SEMA6D: variants seen among roughly 807,000 people sequenced by gnomAD.
SEMA6D encodes semaphorin 6D.
SEMA6D carries 35 observed loss-of-function variants against 106.6 expected under a neutral mutation model. The ratio of observed to expected loss-of-function variants is 0.33; its 90% CI spans 0.25 to 0.44. SEMA6D has a LOEUF of 0.44. Among genes scored for constraint, SEMA6D ranks in the 20% least tolerant of loss-of-function variants. The pLI is 1.00. For missense variants in SEMA6D, 1,185 were observed against 1,345.9 expected (o/e 0.88, Z 1.87); for synonymous variants, 499 against 487.7 (o/e 1.02, Z -0.31).
chr15:47,289,257 G>A (rs2035497878), intron 1 of SEMA6D, among the ~76,000 whole-genome samples: 1 of 151,850 alleles, frequency 6.6e-6, no homozygotes, highest in African/African-American at 2.4e-5. Context: ...AGCCGGGTGT[G>A]GTGGCCTGCA....
At chr15:47,391,925 T>G (rs1658807313) in intron 1 of SEMA6D, among the ~76,000 whole-genome samples, 1 of 152,116 alleles carries the variant, frequency 6.6e-6, no homozygotes, top group Non-Finnish European at 1.5e-5. Context: ...ATAGATATAT[T>G]TACTCCCTAA....
chr15:47,274,159 G>A (rs1159692547), intron 1 of SEMA6D: 3 of 152,018 alleles, frequency 2.0e-5, no homozygotes, highest in Non-Finnish European at 4.4e-5. Flanking sequence ...AAATAAAAGA[G>A]GAAAAACATC....
intron 2 of SEMA6D, among the ~76,000 whole-genome samples, chr15:47,420,490 C>G (rs1234894282): frequency 6.6e-6 from 1 of 152,030 alleles, no homozygotes; most frequent in African/African-American, 2.4e-5. Flanking sequence ...TTCTCCCCCT[C>G]TGTGCATGCT....
chr15:47,684,261 G>A (rs769482278), intron 4 of SEMA6D, among the ~76,000 whole-genome samples: 1 of 151,730 alleles, frequency 6.6e-6, no homozygotes, highest in African/African-American at 2.4e-5. Flanking sequence ...AAAAATTAAC[G>A]ACAATTATAA....
rs2082217882 is a variant in SEMA6D, at chr15:47,764,292, G to A, written c.1084G>A (p.Val362Met). Residue 362 changes from valine to methionine, a missense_variant, in exon 11 of 19, where the codon GTG becomes ATG. Coordinates refer to ENST00000536845, the MANE Select transcript of SEMA6D (RefSeq NM_001358351.3). ...SVWTAVPEDK[V>M]PKPRPGCCAK... ...TTGGACAGCAGTTCCCGAAGACAAA[G>A]TGCCAAAGCCAAGGTAAATAAAAAA... The A allele has an allele frequency of 6.2e-7, 1 of 1,613,016 alleles. No individual in the cohort carries two copies. Among genetic ancestry groups the A allele is most frequent in the African/African-American group, 1.3e-5 (1 of 74,832 alleles).
At chr15:47,371,660 G>A (rs913233037) in intron 1 of SEMA6D, among the ~76,000 whole-genome samples, 1 of 151,988 alleles carries the variant, frequency 6.6e-6, no homozygotes, top group Non-Finnish European at 1.5e-5. Context: ...TGACCCTCGC[G>A]TGCCATGTTT....
intron 3 of SEMA6D, among the ~76,000 whole-genome samples, chr15:47,549,299 CCTT>C (rs2142362114): frequency 6.6e-6 from 1 of 152,254 alleles, no homozygotes; most frequent in African/African-American, 2.4e-5. Flanking sequence ...AGCTTCTTCA[CCTT>C]CTTGCAACAA....
At chr15:47,484,114 G>A (rs540365056) in intron 3 of SEMA6D, among the ~76,000 whole-genome samples, 2 of 152,144 alleles carry the variant, frequency 1.3e-5, no homozygotes, top group Non-Finnish European at 2.9e-5. Context: ...TCCCACACAG[G>A]AGGGCTCCCT....
At chr15:47,767,209 G>A (rs925696308) in intron 17 of SEMA6D, 116 bp downstream of exon 17, 26 of 644,282 alleles carry the variant, frequency 4.0e-5, no homozygotes, top group Middle Eastern at 2.5e-4. Context: ...TTTCCGCTTT[G>A]ACTCATATTC....
At chr15:47,524,134 G>T (rs955237689) in intron 3 of SEMA6D, among the ~76,000 whole-genome samples, 2 of 152,182 alleles carry the variant, frequency 1.3e-5, no homozygotes, top group African/African-American at 4.8e-5. Context: ...ACTGGCTTCA[G>T]TGTATAATTT....
Position 47,624,626 on chromosome 15 carries a change from CAAAT to C in SEMA6D, c.-55+23732_-55+23735del, listed in dbSNP as rs1339743867. On this transcript the variant is annotated intron_variant, in intron 4 of 19. Transcript: ENST00000558014. ...TCCAAAGAACACAAATCTTGTAACA[CAAAT>C]ATAGGATGGCTAAGCAGAAATATAG... Among the ~76,000 whole-genome samples the C allele has an allele frequency of 2.6e-5, 4 of 152,234 alleles. No individual in the cohort carries two copies. In the East Asian group the frequency reaches 7.7e-4, roughly 29 times the overall value.
At chr15:47,494,604 T>C (rs1168525691) in intron 3 of SEMA6D, among the ~76,000 whole-genome samples, 1 of 151,162 alleles carries the variant, frequency 6.6e-6, no homozygotes, top group African/African-American at 2.4e-5. Flanking sequence ...ATAGTTATTA[T>C]AATGTATTTA....
intron 1 of SEMA6D, among the ~76,000 whole-genome samples, chr15:47,355,481 G>C (rs1398695158): frequency 6.6e-6 from 1 of 152,176 alleles, no homozygotes; most frequent in Non-Finnish European, 1.5e-5. Context: ...AGGATTGGCA[G>C]AGTAAAGACT....
chr15:47,260,615 TG>T (rs2034026300), intron 1 of SEMA6D, among the ~76,000 whole-genome samples: 1 of 152,180 alleles, frequency 6.6e-6, no homozygotes, highest in Non-Finnish European at 1.5e-5. Context: ...TCAGTCATTG[TG>T]ATGTCTCTGT....
intron 4 of SEMA6D, among the ~76,000 whole-genome samples, chr15:47,672,364 A>T (rs1596589626): frequency 6.6e-6 from 1 of 152,166 alleles, no homozygotes. Flanking sequence ...AAAGTGAGGT[A>T]TTTGCCGGAA....
chr15:47,666,639 C>T (rs1328759828), intron 4 of SEMA6D, among the ~76,000 whole-genome samples: 1 of 152,174 alleles, frequency 6.6e-6, no homozygotes, highest in African/African-American at 2.4e-5. Context: ...TGTGTTCTTA[C>T]AGAATTTTTT....
At chr15:47,533,598 G>A (rs780159945) in intron 3 of SEMA6D, among the ~76,000 whole-genome samples, 4 of 152,292 alleles carry the variant, frequency 2.6e-5, no homozygotes, top group East Asian at 1.9e-4. Context: ...TCACTGAGCC[G>A]AGATGAGCTG....
At chr15:47,226,683 A>G (rs1160794986) in intron 1 of SEMA6D, among the ~76,000 whole-genome samples, 1 of 152,080 alleles carries the variant, frequency 6.6e-6, no homozygotes, top group Non-Finnish European at 1.5e-5. Flanking sequence ...GAGAGGATCA[A>G]AGAACTTGTG....
At chr15:47,394,153 A>C (rs942691052) in intron 1 of SEMA6D, among the ~76,000 whole-genome samples, 1 of 152,104 alleles carries the variant, frequency 6.6e-6, no homozygotes, top group African/African-American at 2.4e-5. Flanking sequence ...CTCCCTCAGG[A>C]CTTGGGTAGC....
Sources: allele counts gnomAD v4.1 joint callset (sites outside exome capture counted in the v4.1 genomes callset), GRCh38; gene constraint gnomAD v4.1.1; transcripts MANE v1.5; gene names NCBI Gene and HGNC (gene_info 2026-07-23, HGNC 2026-07-21).